The following NRG1 variants were observed in gnomAD, a reference collection of about 807,000 sequenced individuals.
The protein encoded by NRG1 is pro-neuregulin-1, membrane-bound isoform.
In NRG1, 18 loss-of-function variants were observed where a neutral mutation model predicts 63.8. The ratio of observed to expected loss-of-function variants is 0.28; its 90% CI spans 0.19 to 0.42. The LOEUF (loss-of-function observed/expected upper bound fraction) is 0.42, where lower values mean the gene tolerates loss of function less well. NRG1 is among the 10% of genes least tolerant of loss of function. The pLI is 1.00. For missense variants in NRG1, 762 were observed against 814.7 expected, an observed-to-expected ratio of 0.94 and a Z score of 0.79; for synonymous variants, 302 against 301.3, an observed-to-expected ratio of 1.00 and a Z score of -0.02.
At chr8:32,199,206 ACATCTT>A (rs1166892368) in intron 1 of NRG1, among the ~76,000 whole-genome samples, 1 of 152,030 alleles carries the variant, frequency 6.6e-6, no homozygotes, top group Non-Finnish European at 1.5e-5. Context: ...TTTCATGGCC[ACATCTT>A]TATCCTCCTT....
At chr8:32,365,407 T>C (rs2632008) in intron 1 of NRG1, among the ~76,000 whole-genome samples, 22,991 of 152,038 alleles carry the variant, frequency 0.15, 2,519 homozygotes, top group East Asian at 0.56. Flanking sequence ...ATTTACGTAG[T>C]TGGATTTCTT....
chr8:32,536,879 C>T (rs1222988977), intron 1 of NRG1, among the ~76,000 whole-genome samples: 1 of 131,090 alleles, frequency 7.6e-6, no homozygotes, highest in Non-Finnish European at 1.5e-5. Context: ...AGCGGAGATG[C>T]GCCACTGCCC....
chr8:32,595,976 A>C, exon 2 of NRG1: 2 of 1,613,618 alleles, frequency 1.2e-6, no homozygotes, highest in Non-Finnish European at 8.5e-7. Context: ...AAAACAAACC[A>C]CAAAATATCA....
intron 1 of NRG1, among the ~76,000 whole-genome samples, chr8:32,044,691 A>G (rs957869091): frequency 6.6e-6 from 1 of 151,502 alleles, no homozygotes; most frequent in African/African-American, 2.4e-5. Context: ...TTGAAATTCA[A>G]CAATACACTT....
At chr8:31,676,179 C>G (rs151124923) in intron 1 of NRG1, among the ~76,000 whole-genome samples, 2 of 151,958 alleles carry the variant, frequency 1.3e-5, no homozygotes, top group Admixed American at 6.6e-5. Flanking sequence ...CTTAGAGAGT[C>G]GGGAGATCCT....
At position 31,797,501 on chromosome 8, in the gene NRG1, G is replaced by A. The variant is rs192884403; in HGVS notation, c.37+158070G>A. ...ATACAAAGAAAAGTGAGCTCTTATAGCCTGTTGATGGGAATGTAAATTAGT... is the reference window on the plus strand; with the variant it reads ...ATACAAAGAAAAGTGAGCTCTTATAACCTGTTGATGGGAATGTAAATTAGT... On this transcript the variant is annotated intron_variant, in intron 1 of 10. Coordinates refer to the NRG1 transcript ENST00000519301. 1.7e-4 allele frequency among the ~76,000 whole-genome samples: 26 copies of A among 152,272 alleles called. No homozygotes were observed. In the East Asian group the frequency reaches 5.0e-3, roughly 29 times the overall value.
intron 1 of NRG1, among the ~76,000 whole-genome samples, chr8:31,832,249 G>GTTTTTTTTTTTTT (rs5890599): frequency 2.9e-5 from 4 of 136,142 alleles, no homozygotes; most frequent in Non-Finnish European, 6.3e-5. Context: ...AAATGCTCTA[G>GTTTTTTTTTTTTT]TTTTTTTTTT....
At chr8:32,004,807 G>A (rs1363096760) in intron 1 of NRG1, among the ~76,000 whole-genome samples, 6 of 151,822 alleles carry the variant, frequency 4.0e-5, no homozygotes, top group Admixed American at 3.9e-4. Context: ...AAATGGGATG[G>A]AGAGTGTGAA....
chr8:32,648,271 C>A (rs775405368), intron 5 of NRG1: 1 of 1,614,066 alleles, frequency 6.2e-7, no homozygotes, highest in Non-Finnish European at 8.5e-7. Flanking sequence ...TCTTTCTTGC[C>A]GTCCACTGCG....
At chr8:32,500,337 C>G (rs193058682) in intron 1 of NRG1, among the ~76,000 whole-genome samples, 1 of 152,246 alleles carries the variant, frequency 6.6e-6, no homozygotes, top group Admixed American at 6.5e-5. Flanking sequence ...TTCTTGAGGA[C>G]TCTAAAACAT....
intron 1 of NRG1, among the ~76,000 whole-genome samples, chr8:32,285,019 C>T (rs1297924566): frequency 2.0e-5 from 3 of 152,200 alleles, no homozygotes; most frequent in Admixed American, 6.5e-5. Context: ...CATTTGTCCT[C>T]CTTGCAATTA....
In NRG1 at chr8:31,886,690, G is replaced by A. The variant is rs569932597; in HGVS notation, c.37+247259G>A. On this transcript the variant is annotated intron_variant, in intron 1 of 10. Transcript: ENST00000519301. ...AAAGGAGGCCTGATATGTGTTCGGA[G>A]GGGGAGCAACATGATTAGAATATGG... is the stretch of plus-strand genomic sequence containing the variant. Among the ~76,000 whole-genome samples, 7 of 152,156 alleles carry A rather than the reference G, an allele frequency of 4.6e-5. No homozygotes were observed. In the South Asian group the frequency reaches 1.5e-3, roughly 32 times the overall value.
At chr8:31,953,973 A>T (rs1197364999) in intron 1 of NRG1, among the ~76,000 whole-genome samples, 4 of 152,206 alleles carry the variant, frequency 2.6e-5, no homozygotes, top group Non-Finnish European at 1.5e-5. Context: ...TCCTCTATAA[A>T]ATCTGGCCAA....
intron 1 of NRG1, among the ~76,000 whole-genome samples, chr8:32,357,394 G>C (rs1346360837): frequency 2.0e-5 from 3 of 152,262 alleles, no homozygotes; most frequent in African/African-American, 7.2e-5. Context: ...AAAGGCCAAA[G>C]TTTTAGAACA....
At chr8:32,303,721 T>A (rs1159721874) in intron 1 of NRG1, among the ~76,000 whole-genome samples, 2 of 152,234 alleles carry the variant, frequency 1.3e-5, no homozygotes, top group African/African-American at 4.8e-5. Flanking sequence ...TTCTGTTGAA[T>A]GTATTATTCA....
chr8:31,992,663 A>T (rs1811289335), intron 1 of NRG1, among the ~76,000 whole-genome samples: 1 of 152,044 alleles, frequency 6.6e-6, no homozygotes. Flanking sequence ...TTAGTTCCAC[A>T]TTTGAAAGCA....
exon 1 of NRG1, chr8:31,639,343 G>T (rs1803506314): frequency 6.5e-7 from 1 of 1,532,154 alleles, no homozygotes. Flanking sequence ...GCGCGGGGAC[G>T]GGGACGCCCA....
chr8:31,790,291 T>C (rs1820577289), intron 1 of NRG1, among the ~76,000 whole-genome samples: 1 of 152,144 alleles, frequency 6.6e-6, no homozygotes, highest in Admixed American at 6.6e-5. Flanking sequence ...AAGAAACTAA[T>C]ATGGGACCCT....
intron 5 of NRG1, among the ~76,000 whole-genome samples, chr8:32,642,899 A>G (rs1417778334): frequency 1.3e-5 from 2 of 152,222 alleles, no homozygotes; most frequent in East Asian, 3.8e-4. Flanking sequence ...ATTCTCTTTC[A>G]TCTGTTGGAG....
Sources: allele counts gnomAD v4.1 joint callset (sites outside exome capture counted in the v4.1 genomes callset), GRCh38; gene constraint gnomAD v4.1.1; transcripts MANE v1.5; gene names NCBI Gene and HGNC (gene_info 2026-07-23, HGNC 2026-07-21).